The following LRRC41 variants were observed in gnomAD, a reference collection of about 807,000 sequenced individuals.
LRRC41 encodes the protein leucine-rich repeat-containing protein 41.
In LRRC41, 17 loss-of-function variants were observed where a neutral mutation model predicts 72.1. That is an observed-to-expected ratio of 0.24 (90% CI 0.16 to 0.35). The LOEUF (loss-of-function observed/expected upper bound fraction) is 0.35. Ranked by LOEUF, LRRC41 falls within the 10% of genes least tolerant of loss-of-function variation. The probability of loss-of-function intolerance (pLI) is 1.00; values close to 1 mark genes in which losing one functional copy is unlikely to be tolerated. For missense variants in LRRC41, 759 were observed against 1,065.0 expected, an observed-to-expected ratio of 0.71 and a Z score of 4.00; for synonymous variants, 427 against 431.0, an observed-to-expected ratio of 0.99 and a Z score of 0.11.
intron 3 of LRRC41, among the ~76,000 whole-genome samples, chr1:46,292,484 T>TA (rs1166510307): frequency 6.6e-6 from 1 of 152,208 alleles, no homozygotes; most frequent in East Asian, 1.9e-4. Context: ...AATAGCATAG[T>TA]AAAATGCAAA....
intron 3 of LRRC41, among the ~76,000 whole-genome samples, chr1:46,295,906 C>T (rs1024110695): frequency 9.2e-5 from 14 of 152,208 alleles, no homozygotes; most frequent in African/African-American, 3.4e-4. Context: ...TTCAATGTTA[C>T]TGAACCCAGT....
At position 46,303,176 on chromosome 1, in the gene LRRC41, C is replaced by T; in HGVS notation, c.147G>A (p.Leu49=). ...TATGGGCGCTCACCGCCCGCCCGCA[C>T]AGCTCGAACAGGGCGGGGGGAGCGT... ...GPNAPPALFE[L]CGRAVSAHMG... is the part of the protein sequence containing the mutation. Residue 49 remains leucine, a synonymous_variant, in exon 1 of 10, where the codon CTG becomes CTA. Coordinates refer to ENST00000617190, the MANE Select transcript of LRRC41 (RefSeq NM_006369.5). 6.4e-7 allele frequency: 1 copy of T among 1,561,410 alleles called. No individual in the cohort carries two copies. Among genetic ancestry groups the T allele is most frequent in the Non-Finnish European group, 8.6e-7 (1 of 1,160,200 alleles).
In LRRC41 at chr1:46,277,847, C is replaced by T. The variant is rs368491231; in HGVS notation, c.*1018G>A. 13 of 1,612,208 alleles carry T rather than the reference C, an allele frequency of 8.1e-6. No homozygotes were observed. The highest frequency in any genetic ancestry group is 6.7e-5 in the East Asian group (3 of 44,880). ...GACCATTGAGGAGAAGATCTTCCAG[C>T]GTCAGAGCCACAAGAAGGCACTGAG... On this transcript the variant is annotated 3_prime_UTR_variant, in exon 10 of 10. Coordinates refer to ENST00000617190, the MANE Select transcript of LRRC41 (RefSeq NM_006369.5).
chr1:46,278,516 C>T lies in LRRC41; in HGVS notation c.*349G>A, dbSNP rs535604858. ...GTGGTAAGCCCAGCAGGGAAGAAGC[C>T]CCCTATACTTCTCTAAAGCCTGGGT... On this transcript the variant is annotated 3_prime_UTR_variant, in exon 10 of 10. Transcript: ENST00000617190. 6 of 628,674 alleles carry T rather than the reference C, an allele frequency of 9.5e-6. No individual in the cohort carries two copies. The highest frequency in any genetic ancestry group is 8.7e-5 in the Admixed American group (3 of 34,312). The allele number at this position is 628,674 out of a possible 1,614,324, so 38.9% of individuals were successfully genotyped here.
At chr1:46,287,977 C>A (rs1162528370) in intron 3 of LRRC41, among the ~76,000 whole-genome samples, 1 of 152,236 alleles carries the variant, frequency 6.6e-6, no homozygotes, top group African/African-American at 2.4e-5. Flanking sequence ...AGAAGCGATT[C>A]ATCAGACTAT....
Position 46,277,673 on chromosome 1 carries a change from G to T in LRRC41, c.*1192C>A. The stretch of plus-strand genomic sequence containing the variant: ...TGGGAAAATGGACCTCAGCTGAGTA[G>T]AGATAATGTTCTGGGACTCATACTT... On this transcript the variant is annotated 3_prime_UTR_variant, in exon 10 of 10. Transcript: ENST00000617190. The T allele has an allele frequency of 1.1e-6, 1 of 929,550 alleles. No homozygotes were observed. The highest frequency in any genetic ancestry group is 1.5e-5 in the South Asian group (1 of 68,640). The allele number at this position is 929,550 out of a possible 1,614,324, so 57.6% of individuals were successfully genotyped here.
chr1:46,286,564 C>T lies in LRRC41; in HGVS notation c.358-65G>A, dbSNP rs1035561573. The T allele has an allele frequency of 2.8e-6, 4 of 1,422,178 alleles. No individual in the cohort carries two copies. In the South Asian group the frequency reaches 4.1e-5, roughly 15 times the overall value. The allele number at this position is 1,422,178 out of a possible 1,614,324, so 88.1% of individuals were successfully genotyped here. ...CATGAAACTGTCCAAATTTCCCTCT[C>T]TTCCAATAGCACACTATTTACTGAG... On this transcript the variant is annotated intron_variant, in intron 3 of 9. Transcript: ENST00000617190. The surrounding 1 kb of genome is among the most constrained non-coding windows in gnomAD (Gnocchi z 5.5).
Position 46,281,154 on chromosome 1 carries a change from C to T in LRRC41, c.1727G>A (p.Ser576Asn). Residue 576 changes from serine (S) to asparagine (N), a missense_variant, in exon 5 of 10, where the codon AGC (serine) becomes AAC (asparagine). Ser to Asn is a conservative substitution (Grantham distance 46). Around this residue, in one of 4 missense-constraint regions of LRRC41, gnomAD observed 427 missense variants for 520.9 expected, o/e 0.82. Coordinates refer to ENST00000617190, the MANE Select transcript of LRRC41 (RefSeq NM_006369.5). ...TATCTCCTCATCGCCTATTATGTGGCTAGGGGGCCCTGCATTCCCTGGCAC... is the reference window on the plus strand; with the variant it reads ...TATCTCCTCATCGCCTATTATGTGGTTAGGGGGCCCTGCATTCCCTGGCAC... ...PGVPGNAGPP[S>N]HIIGDEEIPE... 1 of 1,614,012 alleles carries T rather than the reference C, an allele frequency of 6.2e-7. No individual in the cohort carries two copies. The highest frequency in any genetic ancestry group is 8.5e-7 in the Non-Finnish European group (1 of 1,179,918).
Position 46,302,676 on chromosome 1 carries a change from T to TGGCCCCG in LRRC41, c.199+441_199+447dup, listed in dbSNP as rs1271969568. 5 of 985,280 alleles carry TGGCCCCG rather than the reference T, an allele frequency of 5.1e-6. No individual in the cohort carries two copies. Among genetic ancestry groups the TGGCCCCG allele is most frequent in the Non-Finnish European group, 6.0e-6 (5 of 829,870 alleles). The allele number at this position is 985,280 out of a possible 1,614,324, so 61.0% of individuals were successfully genotyped here. On this transcript the variant is annotated intron_variant, in intron 1 of 9. Transcript: ENST00000617190. This position sits in a 1 kb window ranked among gnomAD's most constrained non-coding sequence, Gnocchi z 4.7. ...CCCCGGGGCCATCAGTCAGGTTCGG[T>TGGCCCCG]GGCCCCGGGCCTGGCCTGGCCTTGC...
chr1:46,303,282 A>G lies in LRRC41; in HGVS notation c.41T>C (p.Phe14Ser), dbSNP rs1569674510. ...PEAWRARSCWFCEVAAATTME... is the reference protein window; with the variant it reads ...PEAWRARSCWSCEVAAATTME... ...GGTCGTTGCCGCCGCTACCTCACAG[A>G]ACCAGCAACTCCGGGCGCGCCAGGC... The change falls in exon 1 of 10, where the codon TTC becomes TCC. Residue 14 changes from phenylalanine (F) to serine (S), a missense_variant. Phe to Ser is a radical substitution (Grantham distance 155, BLOSUM62 -2). Transcript: ENST00000617190. The G allele has an allele frequency of 1.9e-6, 3 of 1,543,212 alleles. No individual in the cohort carries two copies. The highest frequency in any genetic ancestry group is 2.6e-6 in the Non-Finnish European group (3 of 1,145,220).
At chr1:46,292,561 A>C (rs1273892066) in intron 3 of LRRC41, among the ~76,000 whole-genome samples, 1 of 152,246 alleles carries the variant, frequency 6.6e-6, no homozygotes, top group Non-Finnish European at 1.5e-5. Context: ...GACTTTACTA[A>C]ACTAAGAGGT....
At position 46,278,016 on chromosome 1, in the gene LRRC41, C is replaced by A. The variant is rs2148308361; in HGVS notation, c.*849G>T. The A allele has an allele frequency of 1.9e-6, 3 of 1,614,138 alleles. No individual in the cohort carries two copies. Among genetic ancestry groups the A allele is most frequent in the Non-Finnish European group, 2.5e-6 (3 of 1,180,010 alleles). On this transcript the variant is annotated 3_prime_UTR_variant, in exon 10 of 10. Coordinates refer to ENST00000617190, the MANE Select transcript of LRRC41 (RefSeq NM_006369.5). ...GCCCTAACCATTATCTCTAAGCTAC[C>A]CACACAGTAGGGAGATGGGATCTGT...
intron 4 of LRRC41, among the ~76,000 whole-genome samples, chr1:46,282,977 T>C (rs1660810209): frequency 6.7e-6 from 1 of 150,276 alleles, no homozygotes; most frequent in African/African-American, 2.5e-5. Context: ...TAAGCCAAGA[T>C]TGCACCATTG....
At position 46,277,902 on chromosome 1, in the gene LRRC41, T is replaced by C; in HGVS notation, c.*963A>G. On this transcript the variant is annotated 3_prime_UTR_variant, in exon 10 of 10. Transcript: ENST00000617190. ...TGTGTGGTGGATGAGGAGCAGGATG[T>C]AGAGCGCCACTTCTCTCTGGGCGAG... 1 of 1,614,114 alleles carries C rather than the reference T, an allele frequency of 6.2e-7. No homozygotes were observed. Among genetic ancestry groups the C allele is most frequent in the East Asian group, 2.2e-5 (1 of 44,888 alleles).
At chr1:46,282,147 GAGGCTCAGGAAAC>G (rs1221498285) in intron 4 of LRRC41, among the ~76,000 whole-genome samples, 1 of 152,060 alleles carries the variant, frequency 6.6e-6, no homozygotes, top group Non-Finnish European at 1.5e-5. Context: ...TTGGCTACAT[GAGGCTCAGGAAAC>G]AGCTCTAGAG....
Position 46,279,679 on chromosome 1 carries a change from C to A in LRRC41, c.2021-65G>T. 6.2e-7 allele frequency: 1 copy of A among 1,604,604 alleles called. No individual in the cohort carries two copies. Among genetic ancestry groups the A allele is most frequent in the Non-Finnish European group, 8.5e-7 (1 of 1,173,680 alleles). ...AGGACTGGTGCTGCCCCTCCTGCCC[C>A]AGTTGGCCCTAGCAAGGGGTATTAA... On this transcript the variant is annotated intron_variant, in intron 7 of 9. Transcript: ENST00000617190. This position sits in a 1 kb window ranked among gnomAD's most constrained non-coding sequence, Gnocchi z 4.5.
rs1050851838 is a variant in LRRC41 at position 46,286,245 on chromosome 1, C to G, written c.612G>C (p.Leu204=). ...SLHTLKFRHL[L]FSDVAAQQSL... ...ACTGCTGAGCAGCCACATCAGAGAACAGCAGGTGGCGGAACTTGAGAGTGT... is the reference window on the plus strand; with the variant it reads ...ACTGCTGAGCAGCCACATCAGAGAAGAGCAGGTGGCGGAACTTGAGAGTGT... Residue 204 remains leucine, a synonymous_variant, in exon 4 of 10, where the codon CTG becomes CTC. Transcript: ENST00000617190. This position sits in a 1 kb window ranked among gnomAD's most constrained non-coding sequence, Gnocchi z 5.5. 3 of 1,614,274 alleles carry G rather than the reference C, an allele frequency of 1.9e-6. No homozygotes were observed. The highest frequency in any genetic ancestry group is 2.5e-6 in the Non-Finnish European group (3 of 1,180,058).
chr1:46,290,252 A>G (rs1298036877), intron 3 of LRRC41, among the ~76,000 whole-genome samples: 3 of 152,160 alleles, frequency 2.0e-5, no homozygotes, highest in African/African-American at 7.2e-5. Context: ...TACTAAAAAT[A>G]GAAAAAATGT....
chr1:46,281,606 C>A (rs944532838), intron 4 of LRRC41, among the ~76,000 whole-genome samples: 2 of 152,186 alleles, frequency 1.3e-5, no homozygotes, highest in East Asian at 3.8e-4. Context: ...ACAAGAAGCA[C>A]CAGTCAGGGC....
Sources: gnomAD v4.1 joint callset for allele counts (sites outside exome capture counted in the v4.1 genomes callset) on GRCh38, gnomAD v4.1.1 for gene constraint, gnomAD v4.1.1 regional missense constraint, Gnocchi (gnomAD v3.1) non-coding constraint, MANE v1.5 for transcripts, NCBI Gene and HGNC (gene_info 2026-07-23, HGNC 2026-07-21) for gene names.